Variants in ZNF761 observed in about 807,000 individuals in gnomAD.
The protein encoded by ZNF761 is zinc finger protein 761.
ZNF761 carries 43 observed loss-of-function variants against 59.9 expected under a neutral mutation model. The observed-to-expected ratio is 0.72, with a 90% CI of 0.56 to 0.92. ZNF761 has a LOEUF of 0.92. Ranked by LOEUF, ZNF761 falls within the 40% of genes least tolerant of loss-of-function variation. ZNF761 has a pLI of 0.00. For synonymous variants in ZNF761, 294 were observed against 304.8 expected (o/e 0.96, Z 0.37); for missense variants, 850 against 906.1 (o/e 0.94, Z 0.79).
At chr19:53,447,175 C>T (rs1013770720) in intron 2 of ZNF761, 21 bp from the exon 3 acceptor site, 3 of 1,512,536 alleles carry the variant, frequency 2.0e-6, no homozygotes, top group Non-Finnish European at 2.7e-6. Flanking sequence ...GAGCAATAAA[C>T]AACATATTTC....
chr19:53,455,454 A>G lies in ZNF761; in HGVS notation c.947A>G (p.His316Arg). 6.2e-7 allele frequency: 1 copy of G among 1,613,946 alleles called. No homozygotes were observed. ...AFHFKSILER[H>R]RIIHTEEKPY... The stretch of plus-strand genomic sequence containing the variant: ...CATTTCAAATCAATACTTGAAAGAC[A>G]TAGGATAATTCATACTGAAGAGAAA... Residue 316 changes from histidine (H) to arginine (R), a missense_variant, in exon 5 of 5, where the codon CAT (histidine) becomes CGT (arginine). Physicochemically the swap from His to Arg is conservative, Grantham distance 29 (BLOSUM62 0). Coordinates refer to ENST00000684525, the MANE Select transcript of ZNF761 (RefSeq NM_001289951.2).
intron 4 of ZNF761, chr19:53,449,943 C>A: frequency 1.8e-6 from 1 of 547,552 alleles, no homozygotes; most frequent in South Asian, 3.3e-5. Flanking sequence ...CCTCCTCAGT[C>A]TCCCAAGTAG....
chr19:53,434,028 A>G (rs1002085422), intron 1 of ZNF761, among the ~76,000 whole-genome samples: 7 of 152,200 alleles, frequency 4.6e-5, no homozygotes, highest in East Asian at 1.9e-4. Context: ...AAGCTAATCT[A>G]TTTTGGTAGA....
In ZNF761 at chr19:53,447,265, A is replaced by G. The variant is rs543747460; in HGVS notation, c.-4A>G. On this transcript the variant is annotated 5_prime_UTR_variant, in exon 3 of 5. Transcript: ENST00000684525. ...AGAGGAAGAGGAGAGCAAAGGAGTC[A>G]GGGATGGCTTTTTCTCAGGTGAGAT... The G allele has an allele frequency of 3.3e-5, 54 of 1,613,180 alleles. No homozygotes were observed. The Admixed American group carries it at 8.3e-4, about 25-fold the overall frequency.
At chr19:53,439,568 A>G (rs1354067002) in intron 1 of ZNF761, among the ~76,000 whole-genome samples, 6 of 152,120 alleles carry the variant, frequency 3.9e-5, no homozygotes, top group Admixed American at 3.3e-4. Flanking sequence ...GACAGATAAC[A>G]AAAGAAAGAA....
chr19:53,440,757 C>A (rs1012970629), intron 1 of ZNF761, among the ~76,000 whole-genome samples: 12 of 152,174 alleles, frequency 7.9e-5, no homozygotes, highest in African/African-American at 2.7e-4. Context: ...CTAACTGCAG[C>A]CTCGACCTCC....
At position 53,456,188 on chromosome 19, in the gene ZNF761, C is replaced by T; in HGVS notation, c.1681C>T (p.Gln561Ter). The T allele has an allele frequency of 1.2e-6, 2 of 1,613,498 alleles. No individual in the cohort carries two copies. The highest frequency in any genetic ancestry group is 1.7e-6 in the Non-Finnish European group (2 of 1,179,894). Residue 561 changes from glutamine to a stop codon, truncating the protein, a stop_gained, in exon 5 of 5, where the codon CAG (glutamine) becomes TAG (stop). Coordinates refer to ENST00000684525, the MANE Select transcript of ZNF761 (RefSeq NM_001289951.2). LOFTEE classifies it high-confidence loss of function. Reference protein sequence around the residue: ...KCKECGKTFNQQLTLKRHRRL... With the variant: ...KCKECGKTFN ...TAAGGAGTGTGGCAAGACCTTCAATCAGCAGTTAACCCTTAAACGCCATCG... is the reference window on the plus strand; with the variant it reads ...TAAGGAGTGTGGCAAGACCTTCAATTAGCAGTTAACCCTTAAACGCCATCG...
chr19:53,451,617 C>T (rs1295995359), intron 4 of ZNF761, among the ~76,000 whole-genome samples: 1 of 151,908 alleles, frequency 6.6e-6, no homozygotes, highest in Non-Finnish European at 1.5e-5. Context: ...GAGTCTCGGT[C>T]TGTCACCCAG....
chr19:53,455,844 C>T lies in ZNF761; in HGVS notation c.1337C>T (p.Thr446Ile), dbSNP rs2086264063. The T allele has an allele frequency of 1.9e-6, 3 of 1,613,744 alleles. No individual in the cohort carries two copies. The highest frequency in any genetic ancestry group is 3.3e-5 in the Admixed American group (2 of 60,004). The change falls in exon 5 of 5, where the codon ACC (threonine) becomes ATC (isoleucine). Residue 446 changes from threonine to isoleucine, a missense_variant. Transcript: ENST00000684525. ...TACAAGTGTAATGAGTGTGGAAAGA[C>T]CTTTAGCCGGACATCATCCCTTACA... ...NAYKCNECGK[T>I]FSRTSSLTCH... is the part of the protein sequence containing the mutation.
chr19:53,441,453 GTTTTT>G (rs71185882), intron 1 of ZNF761, among the ~76,000 whole-genome samples: 57 of 144,560 alleles, frequency 3.9e-4, no homozygotes, highest in African/African-American at 1.3e-3. Context: ...TTTGTTTTTT[GTTTTT>G]TTTTTTTTGG....
chr19:53,457,143 G>T lies in ZNF761; in HGVS notation c.*395G>T. ...TGTTTACCGTCAGGCAATCCATGGT[G>T]TAGGGAAACTTTACTAAGGTAATGA... On this transcript the variant is annotated 3_prime_UTR_variant, in exon 5 of 5. Coordinates refer to ENST00000684525, the MANE Select transcript of ZNF761 (RefSeq NM_001289951.2). 1.9e-6 allele frequency: 1 copy of T among 521,074 alleles called. No individual in the cohort carries two copies. The highest frequency in any genetic ancestry group is 3.7e-6 in the Non-Finnish European group (1 of 267,404). The allele number at this position is 521,074 out of a possible 1,614,324, so 32.3% of individuals were successfully genotyped here.
Position 53,456,452 on chromosome 19 carries a change from C to T in ZNF761, c.1945C>T (p.Leu649Phe). ...CAAAGCTTTCCGTGTGAAATCAAAC[C>T]TTGAAGGACATAGGAGAATTCATAC... ...CDKAFRVKSN[L>F]EGHRRIHTGE... is the part of the protein sequence containing the mutation. Residue 649 changes from leucine (L) to phenylalanine (F), a missense_variant, in exon 5 of 5, where the codon CTT (leucine) becomes TTT (phenylalanine). By Grantham distance (22) the Leu-to-Phe change is conservative. Coordinates refer to ENST00000684525, the MANE Select transcript of ZNF761 (RefSeq NM_001289951.2). 2 of 1,613,404 alleles carry T rather than the reference C, an allele frequency of 1.2e-6. No homozygotes were observed. The highest frequency in any genetic ancestry group is 1.3e-5 in the African/African-American group (1 of 74,864).
At chr19:53,438,938 A>G in intron 1 of ZNF761, among the ~76,000 whole-genome samples, 1 of 152,180 alleles carries the variant, frequency 6.6e-6, no homozygotes, top group East Asian at 1.9e-4. Context: ...GTTACTTGGC[A>G]GGGTATAGGC....
At chr19:53,436,824 C>G (rs1274249530) in intron 1 of ZNF761, among the ~76,000 whole-genome samples, 3 of 152,142 alleles carry the variant, frequency 2.0e-5, no homozygotes, top group African/African-American at 7.2e-5. Context: ...TGAAAAGGTG[C>G]AAATAAGCAA....
intron 1 of ZNF761, among the ~76,000 whole-genome samples, chr19:53,445,697 T>G (rs12973133): frequency 6.7e-6 from 1 of 150,068 alleles, no homozygotes; most frequent in African/African-American, 2.4e-5. Flanking sequence ...TTAAAAAAAA[T>G]TTTTTAAAAA....
At position 53,456,446 on chromosome 19, in the gene ZNF761, T is replaced by G; in HGVS notation, c.1939T>G (p.Ser647Ala). The stretch of plus-strand genomic sequence containing the variant: ...ATGTGACAAAGCTTTCCGTGTGAAA[T>G]CAAACCTTGAAGGACATAGGAGAAT... ...EECDKAFRVK[S>A]NLEGHRRIHT... Residue 647 changes from serine (S) to alanine (A), a missense_variant, in exon 5 of 5, where the codon TCA becomes GCA. Ser to Ala is a moderately conservative substitution (Grantham distance 99). Transcript: ENST00000684525. The G allele has an allele frequency of 5.6e-6, 9 of 1,613,364 alleles. No homozygotes were observed. Among genetic ancestry groups the G allele is most frequent in the Non-Finnish European group, 7.6e-6 (9 of 1,179,842 alleles).
chr19:53,449,683 T>C, intron 4 of ZNF761, 45 bp downstream of exon 4: 2 of 1,591,400 alleles, frequency 1.3e-6, no homozygotes, highest in East Asian at 4.5e-5. Context: ...CCCTTGTGTA[T>C]CTTTGTATTT....
Position 53,455,495 on chromosome 19 carries a change from G to C in ZNF761, c.988G>C (p.Glu330Gln). Residue 330 changes from glutamate (E) to glutamine (Q), a missense_variant, in exon 5 of 5, where the codon GAG becomes CAG. Glu to Gln is a conservative substitution (Grantham distance 29). Coordinates refer to ENST00000684525, the MANE Select transcript of ZNF761 (RefSeq NM_001289951.2). The part of the protein sequence containing the change: ...HTEEKPYKCN[E>Q]CGKTFRQKSI... ...TGAAGAGAAACCATATAAGTGTAAT[G>C]AGTGTGGCAAGACCTTTAGGCAGAA... 1 of 1,614,090 alleles carries C rather than the reference G, an allele frequency of 6.2e-7. No individual in the cohort carries two copies. Among genetic ancestry groups the C allele is most frequent in the Middle Eastern group, 1.6e-4 (1 of 6,062 alleles).
rs28842829 is a variant in ZNF761 at position 53,434,417 on chromosome 19, G to A, written c.-185+2389G>A. Among the ~76,000 whole-genome samples the A allele has an allele frequency of 5.1e-3, 783 of 152,116 alleles. 8 individuals are homozygous for A. The highest frequency in any genetic ancestry group is 0.018 in the African/African-American group (748 of 41,490). On this transcript the variant is annotated intron_variant, in intron 1 of 4. Transcript: ENST00000684525. ...CTTGTCCATTTTCCTGGCAACTGTC[G>A]GTAGGCCTGTGGCCCACAGATCCAA...
Sources: allele counts gnomAD v4.1 joint callset (sites outside exome capture counted in the v4.1 genomes callset), GRCh38; gene constraint gnomAD v4.1.1; transcripts MANE v1.5; gene names NCBI Gene and HGNC (gene_info 2026-07-23, HGNC 2026-07-21).